ANK3: variants seen among roughly 807,000 people sequenced by gnomAD.
ANK3 encodes the protein ankyrin-3.
A neutral mutation model predicts 370.9 loss-of-function variants in ANK3; 57 were observed. That is an observed-to-expected ratio of 0.15 (90% CI 0.12 to 0.19). ANK3 has a LOEUF of 0.19. ANK3 is among the 10% of genes least tolerant of loss of function. The pLI is 1.00. For missense variants in ANK3, 4,439 were observed against 5,302.1 expected (o/e 0.84, Z 5.06); for synonymous variants, 1,929 against 1,946.3 (o/e 0.99, Z 0.23).
At chr10:60,173,524 A>G (rs2095848915) in intron 18 of ANK3, among the ~76,000 whole-genome samples, 1 of 152,232 alleles carries the variant, frequency 6.6e-6, no homozygotes, top group Non-Finnish European at 1.5e-5. Context: ...GGGTCAGAAG[A>G]GCACTTTATG....
Position 60,157,886 on chromosome 10 carries a change from A to G in ANK3, c.2614+8705T>C, listed in dbSNP as rs200733097. 1.0e-3 allele frequency among the ~76,000 whole-genome samples: 135 copies of G among 132,864 alleles called. 1 individual carries two copies. Among genetic ancestry groups the G allele is most frequent in the African/African-American group, 3.7e-3 (131 of 35,224 alleles). The allele number at this position is 132,864 out of a possible 152,430, so 87.2% of individuals were successfully genotyped here. A position where few individuals can be genotyped will look rare whatever the true frequency, so the allele number is the denominator to read the frequency against. On this transcript the variant is annotated intron_variant, in intron 23 of 43. Transcript: ENST00000280772. ...GGAGAGACAGAGAGAGAGAGAGAAA[A>G]AGAGAGAGAGAGAGAGAGAGAGAGA... is the stretch of plus-strand genomic sequence containing the variant.
chr10:60,487,951 T>G (rs1158653769), intron 2 of ANK3, among the ~76,000 whole-genome samples: 1 of 152,128 alleles, frequency 6.6e-6, no homozygotes, highest in South Asian at 2.1e-4. Context: ...CTACCTCAGG[T>G]GATCTGCCTG....
chr10:60,442,173 A>G (rs2064316407), intron 2 of ANK3, among the ~76,000 whole-genome samples: 1 of 146,936 alleles, frequency 6.8e-6, no homozygotes, highest in Admixed American at 7.0e-5. Context: ...TTGACTCACC[A>G]CAACCTCTGC....
In ANK3 at chr10:60,298,490, G is replaced by A. The variant is rs140239778; in HGVS notation, c.115-18851C>T. 2.5e-3 allele frequency among the ~76,000 whole-genome samples: 378 copies of A among 152,312 alleles called. 2 individuals are homozygous for A. Among genetic ancestry groups the A allele is most frequent in the Middle Eastern group, 0.024 (7 of 294 alleles). Reference sequence around the variant, plus strand: ...ATTCTACATTTTCCAGCAAAACCCAGTACAGCAATAGTATATGCTACTCTG... The same window carrying A: ...ATTCTACATTTTCCAGCAAAACCCAATACAGCAATAGTATATGCTACTCTG... On this transcript the variant is annotated intron_variant, in intron 1 of 43. Coordinates refer to ENST00000280772, the MANE Select transcript of ANK3 (RefSeq NM_020987.5).
intron 1 of ANK3, among the ~76,000 whole-genome samples, chr10:60,671,589 T>G (rs1161128738): frequency 6.6e-6 from 1 of 152,254 alleles, no homozygotes; most frequent in African/African-American, 2.4e-5. Context: ...GGCTGCAAGC[T>G]GCAAGGTAGG....
Position 60,198,396 on chromosome 10 carries a change from C to T in ANK3, c.1633G>A (p.Glu545Lys), listed in dbSNP as rs765531783. ...PLHLSAREGH[E>K]DVAAFLLDHG... ...TCCAAAAGGAACGCGGCCACATCCT[C>T]ATGCCCCTCTCGGGCGGAAAGGTGA... The change falls in exon 14 of 44, where the codon GAG becomes AAG. Residue 545 changes from glutamate to lysine, a missense_variant. Glu to Lys is a moderately conservative substitution (Grantham distance 56). Transcript: ENST00000280772. The T allele has an allele frequency of 8.5e-5, 138 of 1,614,116 alleles. No homozygotes were observed. Among genetic ancestry groups the T allele is most frequent in the Non-Finnish European group, 1.1e-4 (135 of 1,180,046 alleles).
intron 1 of ANK3, among the ~76,000 whole-genome samples, chr10:60,668,871 T>C (rs2133379080): frequency 6.6e-6 from 1 of 152,078 alleles, no homozygotes; most frequent in African/African-American, 2.4e-5. Context: ...CGTGCACCTG[T>C]ATTCCCAGCT....
chr10:60,533,354 C>G (rs182219475), intron 2 of ANK3, among the ~76,000 whole-genome samples: 4 of 152,198 alleles, frequency 2.6e-5, no homozygotes, highest in Non-Finnish European at 5.9e-5. Context: ...CAGCACCCTC[C>G]CAGGAGCTGG....
chr10:60,679,328 G>T (rs963387632), intron 1 of ANK3, among the ~76,000 whole-genome samples: 1 of 152,166 alleles, frequency 6.6e-6, no homozygotes, highest in Non-Finnish European at 1.5e-5. Context: ...ACCATCAGGT[G>T]ATGGTCAGGC....
At chr10:60,199,696 GA>G (rs35673624) in intron 13 of ANK3, among the ~76,000 whole-genome samples, 16,486 of 143,872 alleles carry the variant, frequency 0.11, 1,002 homozygotes, top group Non-Finnish European at 0.15. Context: ...AGCTTGTGTA[GA>G]AAAAAAAAAA....
chr10:60,672,690 G>A (rs896335467), intron 1 of ANK3, among the ~76,000 whole-genome samples: 2 of 152,156 alleles, frequency 1.3e-5, no homozygotes, highest in African/African-American at 2.4e-5. Context: ...AGCCATTCTA[G>A]TAAATTAATC....
At chr10:60,507,505 C>G (rs1369974088) in intron 2 of ANK3, 1 of 151,950 alleles carries the variant, frequency 6.6e-6, no homozygotes, top group Non-Finnish European at 1.5e-5. Flanking sequence ...GTATGCCAAT[C>G]TGAAAACACA....
intron 23 of ANK3, 121 bp from the exon 24 acceptor site, chr10:60,139,208 T>C: frequency 8.3e-7 from 1 of 1,202,986 alleles, no homozygotes; most frequent in South Asian, 1.5e-5. Flanking sequence ...CCTTCCCCTA[T>C]CACCTGGATA....
Position 60,074,937 on chromosome 10 carries a change from C to T in ANK3, c.5944G>A (p.Gly1982Arg), listed in dbSNP as rs2083449563. 1 of 1,613,988 alleles carries T rather than the reference C, an allele frequency of 6.2e-7. No individual in the cohort carries two copies. Among genetic ancestry groups the T allele is most frequent in the Admixed American group, 1.7e-5 (1 of 59,994 alleles). Residue 1982 changes from glycine (G) to arginine (R), a missense_variant, in exon 37 of 44, where the codon GGA (glycine) becomes AGA (arginine). Around this residue, in one of 13 missense-constraint regions of ANK3, gnomAD observed 679 missense variants for 791.0 expected, o/e 0.86. Coordinates refer to ENST00000280772, the MANE Select transcript of ANK3 (RefSeq NM_020987.5). ...GSPKSPKSDK[G>R]HSPEDDWIEF... is the part of the protein sequence containing the mutation. ...ATCCAGTCATCTTCAGGAGAGTGTCCTTTGTCACTCTTTGGTGATTTGGGT... is the reference window on the plus strand; with the variant it reads ...ATCCAGTCATCTTCAGGAGAGTGTCTTTTGTCACTCTTTGGTGATTTGGGT...
chr10:60,667,420 A>G (rs1220513638), intron 1 of ANK3, among the ~76,000 whole-genome samples: 1 of 151,996 alleles, frequency 6.6e-6, no homozygotes, highest in African/African-American at 2.4e-5. Flanking sequence ...GAAATAAAAA[A>G]CTAACACATT....
intron 28 of ANK3, among the ~76,000 whole-genome samples, chr10:60,089,459 TTGTG>T (rs61497871): frequency 0.026 from 3,692 of 141,466 alleles, 70 homozygotes; most frequent in African/African-American, 0.059. Context: ...TCCATCCAGG[TTGTG>T]TGTGTGTGTG....
chr10:60,575,053 A>G (rs964157643), intron 2 of ANK3, among the ~76,000 whole-genome samples: 14 of 152,230 alleles, frequency 9.2e-5, no homozygotes, highest in Admixed American at 2.0e-4. Context: ...GGGATTATAA[A>G]ATATACAAAA....
At position 60,076,144 on chromosome 10, in the gene ANK3, C is replaced by T. The variant is rs1189001667; in HGVS notation, c.4737G>A (p.Ser1579=). The T allele has an allele frequency of 1.5e-5, 25 of 1,614,010 alleles. No homozygotes were observed. Among genetic ancestry groups the T allele is most frequent in the East Asian group, 2.2e-5 (1 of 44,900 alleles). ...ATTGTGACACCACAGTTTTTATCGGCGAAGACATTGTCCGAAAGGATCTAA... is the reference window on the plus strand; with the variant it reads ...ATTGTGACACCACAGTTTTTATCGGTGAAGACATTGTCCGAAAGGATCTAA... ...SPIRSFRTMS[S]PIKTVVSQSP... is the part of the protein sequence containing the mutation. The change falls in exon 37 of 44, where the codon TCG becomes TCA. Residue 1579 remains serine, a synonymous_variant. Coordinates refer to ENST00000280772, the MANE Select transcript of ANK3 (RefSeq NM_020987.5).
chr10:60,282,215 C>A (rs2098173698), intron 1 of ANK3, among the ~76,000 whole-genome samples: 1 of 152,042 alleles, frequency 6.6e-6, no homozygotes, highest in Non-Finnish European at 1.5e-5. Flanking sequence ...TTAAGCATCC[C>A]AAACTCCAAC....
Sources: allele counts gnomAD v4.1 joint callset (sites outside exome capture counted in the v4.1 genomes callset), GRCh38; gene constraint gnomAD v4.1.1; regional missense constraint gnomAD v4.1.1; transcripts MANE v1.5; gene names NCBI Gene and HGNC (gene_info 2026-07-23, HGNC 2026-07-21).